DLG5: variants seen among roughly 807,000 people sequenced by gnomAD.
DLG5 encodes the protein disks large homolog 5.
DLG5 carries 48 observed loss-of-function variants against 189.8 expected under a neutral mutation model. That is an observed-to-expected ratio of 0.25 (90% CI 0.20 to 0.32). The LOEUF (loss-of-function observed/expected upper bound fraction) is 0.32, where lower values mean the gene tolerates loss of function less well. Among genes scored for constraint, DLG5 ranks in the 10% least tolerant of loss-of-function variants. The probability of loss-of-function intolerance (pLI) is 1.00; values close to 1 mark genes in which losing one functional copy is unlikely to be tolerated. For synonymous variants in DLG5, 1,016 were observed against 1,054.1 expected (o/e 0.96, Z 0.70); for missense variants, 2,160 against 2,544.7 (o/e 0.85, Z 3.25).
rs1308293084 is a variant in DLG5 at position 77,821,950 on chromosome 10, T to A, written c.2534A>T (p.Asp845Val). Reference protein sequence around the residue: ...LIQHNNSTQTDIFYTDRLEDR... With the variant: ...LIQHNNSTQTVIFYTDRLEDR... ...TTCCAGCCTGTCCGTGTAGAAGATG[T>A]CTGTCTGCGTGGAGTTATTGTGCTG... Residue 845 changes from aspartate (D) to valine (V), a missense_variant, in exon 15 of 32, where the codon GAC (aspartate) becomes GTC (valine). Physicochemically the swap from Asp to Val is radical, Grantham distance 152 (BLOSUM62 -3). Transcript: ENST00000372391. 3 of 1,614,126 alleles carry A rather than the reference T, an allele frequency of 1.9e-6. No individual in the cohort carries two copies. The East Asian group carries it at 6.7e-5, about 36-fold the overall frequency.
At chr10:77,863,379 T>C (rs911429023) in intron 2 of DLG5, among the ~76,000 whole-genome samples, 1 of 152,196 alleles carries the variant, frequency 6.6e-6, no homozygotes, top group African/African-American at 2.4e-5. Context: ...GATTATAGGT[T>C]TGAGCAACCA....
intron 5 of DLG5, among the ~76,000 whole-genome samples, chr10:77,844,126 A>T (rs1843567199): frequency 6.6e-6 from 1 of 152,130 alleles, no homozygotes; most frequent in Non-Finnish European, 1.5e-5. Context: ...TATGCTGAAC[A>T]CCTGCTTTCT....
At chr10:77,916,046 G>C (rs1846347805) in intron 1 of DLG5, among the ~76,000 whole-genome samples, 1 of 151,838 alleles carries the variant, frequency 6.6e-6, no homozygotes, top group Admixed American at 6.6e-5. Flanking sequence ...GTGAGACCTT[G>C]TCTCTACTAA....
intron 2 of DLG5, among the ~76,000 whole-genome samples, chr10:77,861,909 TCA>T (rs1461861979): frequency 2.6e-5 from 4 of 152,112 alleles, no homozygotes; most frequent in African/African-American, 4.8e-5. Flanking sequence ...CCATCACACA[TCA>T]GGCTCTCAGA....
At chr10:77,792,840 G>A (rs1840704355) in intron 31 of DLG5, 1 of 418,022 alleles carries the variant, frequency 2.4e-6, no homozygotes, top group Non-Finnish European at 4.3e-6. Context: ...GAGGACATGT[G>A]GCGGTGGTCT....
chr10:77,926,404 G>T lies in DLG5; in HGVS notation c.117C>A (p.Gly39=). Residue 39 remains glycine, a synonymous_variant, in exon 1 of 32, where the codon GGC becomes GGA. Transcript: ENST00000372391. The surrounding 1 kb of genome is among the most constrained non-coding windows in gnomAD (Gnocchi z 5.2). The part of the protein sequence containing the change: ...LLEAAGALSP[G]ERRQLDEEAG... ...CCTCCTCGTCCAGCTGCCGCCGCTCGCCGGGACTGAGCGCTCCCGCGGCCT... is the reference window on the plus strand; with the variant it reads ...CCTCCTCGTCCAGCTGCCGCCGCTCTCCGGGACTGAGCGCTCCCGCGGCCT... 5 of 1,587,216 alleles carry T rather than the reference G, an allele frequency of 3.2e-6. No homozygotes were observed. Among genetic ancestry groups the T allele is most frequent in the Non-Finnish European group, 4.3e-6 (5 of 1,169,132 alleles).
At chr10:77,886,340 G>A (rs1021032703) in intron 1 of DLG5, among the ~76,000 whole-genome samples, 3 of 151,668 alleles carry the variant, frequency 2.0e-5, no homozygotes, top group African/African-American at 4.8e-5. Context: ...TGCCCCCTTA[G>A]GGTACCGTTG....
At chr10:77,886,776 T>C (rs1223311457) in intron 1 of DLG5, among the ~76,000 whole-genome samples, 1 of 152,118 alleles carries the variant, frequency 6.6e-6, no homozygotes, top group Non-Finnish European at 1.5e-5. Flanking sequence ...AAAGATGTAA[T>C]AAAGTTAATA....
intron 27 of DLG5, among the ~76,000 whole-genome samples, chr10:77,799,356 G>A (rs2812421): frequency 0.25 from 38,153 of 152,116 alleles, 5,464 homozygotes; most frequent in Admixed American, 0.39. Flanking sequence ...TCTTCAGGAG[G>A]TAAGTTAAAT....
At position 77,796,548 on chromosome 10, in the gene DLG5, G is replaced by T. The variant is rs372900286; in HGVS notation, c.5211C>A (p.Thr1737=). Residue 1737 remains threonine (T), a synonymous_variant, in exon 28 of 32, where the codon ACC becomes ACA. Coordinates refer to ENST00000372391, the MANE Select transcript of DLG5 (RefSeq NM_004747.4). The surrounding 1 kb of genome is among the most constrained non-coding windows in gnomAD (Gnocchi z 5.2). The part of the protein sequence containing the change: ...AYQRVQKVDC[T]ALRPVLILGP... ...CCAGAATCAGGACAGGCCTCAGAGC[G>T]GTGCAGTCCACCTTCTGGACCCGCT... 13 of 1,614,122 alleles carry T rather than the reference G, an allele frequency of 8.1e-6. No individual in the cohort carries two copies. The highest frequency in any genetic ancestry group is 1.0e-5 in the Non-Finnish European group (12 of 1,180,036).
chr10:77,876,873 C>CT (rs35257302), intron 1 of DLG5, among the ~76,000 whole-genome samples: 65,184 of 143,224 alleles, frequency 0.46, 16,690 homozygotes, highest in African/African-American at 0.71. Flanking sequence ...TCTGTCCATT[C>CT]TTTTTTTTTT....
chr10:77,892,777 A>G (rs138022501), intron 1 of DLG5, among the ~76,000 whole-genome samples: 1 of 152,376 alleles, frequency 6.6e-6, no homozygotes, highest in East Asian at 1.9e-4. Flanking sequence ...CAATACGTGT[A>G]CATGATAAAT....
chr10:77,917,360 A>C (rs891439930), intron 1 of DLG5, among the ~76,000 whole-genome samples: 36 of 151,612 alleles, frequency 2.4e-4, no homozygotes, highest in African/African-American at 7.3e-4. Context: ...ACAAACAAAC[A>C]AAAAAAGGAG....
chr10:77,817,201 C>T, intron 18 of DLG5, 105 bp from the exon 19 acceptor site: 2 of 1,043,488 alleles, frequency 1.9e-6, no homozygotes, highest in Non-Finnish European at 3.0e-6. Context: ...CAAAGCTGGG[C>T]CCTGCTGTTT....
At position 77,811,242 on chromosome 10, in the gene DLG5, C is replaced by T. The variant is rs780818776; in HGVS notation, c.4323-8G>A. 45 of 1,611,482 alleles carry T rather than the reference C, an allele frequency of 2.8e-5. No homozygotes were observed. The highest frequency in any genetic ancestry group is 8.4e-5 in the Admixed American group (5 of 59,808). ...GCAGGGTCCAGGTGTGAGCTGGAGG[C>T]GGAGGACAGGAGGGATAAGGAGCAG... On this transcript the variant is annotated splice_polypyrimidine_tract_variant and splice_region_variant and intron_variant, in intron 22 of 31. Coordinates refer to ENST00000372391, the MANE Select transcript of DLG5 (RefSeq NM_004747.4).
At chr10:77,866,828 T>C (rs1208716634) in intron 2 of DLG5, 3 of 383,008 alleles carry the variant, frequency 7.8e-6, no homozygotes, top group Non-Finnish European at 1.6e-5. Context: ...TTGGTTAAGG[T>C]GGTATGAGTG....
At chr10:77,856,602 G>A (rs1248695) in intron 3 of DLG5, 128 bp downstream of exon 3, 346,179 of 1,228,552 alleles carry the variant, frequency 0.28, 50,682 homozygotes, top group Admixed American at 0.42. Flanking sequence ...TGAGGTGGGG[G>A]AAAGGGGACA....
intron 1 of DLG5, among the ~76,000 whole-genome samples, chr10:77,897,570 G>T (rs1781826): frequency 0.75 from 113,633 of 151,404 alleles, 43,778 homozygotes; most frequent in African/African-American, 0.94. Context: ...ATGCCTGTAA[G>T]CCCAGCACTT....
chr10:77,918,975 G>A (rs969329466), intron 1 of DLG5, among the ~76,000 whole-genome samples: 3 of 152,138 alleles, frequency 2.0e-5, no homozygotes, highest in Admixed American at 6.5e-5. Context: ...CAGCACTCTG[G>A]GAGGCTGAGG....
Sources: allele counts gnomAD v4.1 joint callset (sites outside exome capture counted in the v4.1 genomes callset), GRCh38; gene constraint gnomAD v4.1.1; non-coding constraint Gnocchi (gnomAD v3.1); transcripts MANE v1.5; gene names NCBI Gene and HGNC (gene_info 2026-07-23, HGNC 2026-07-21).